Variants in DUSP15 observed in about 807,000 individuals in gnomAD.
DUSP15 encodes dual specificity phosphatase 15, also known as dual specificity protein phosphatase 15.
A neutral mutation model predicts 26.3 loss-of-function variants in DUSP15; 23 were observed. The observed-to-expected ratio is 0.87, with a 90% CI of 0.63 to 1.24. The LOEUF (loss-of-function observed/expected upper bound fraction) is 1.24. Among genes scored for constraint, DUSP15 ranks in the 50% most tolerant of loss-of-function variants. The probability of loss-of-function intolerance (pLI) is 0.00; values close to 1 mark genes in which losing one functional copy is unlikely to be tolerated. For missense variants in DUSP15, 364 were observed against 320.6 expected, an observed-to-expected ratio of 1.14 and a Z score of -1.03; for synonymous variants, 143 against 135.5, an observed-to-expected ratio of 1.06 and a Z score of -0.39.
intron 6 of DUSP15, among the ~76,000 whole-genome samples, chr20:31,855,745 G>A (rs189644519): frequency 6.6e-6 from 1 of 152,340 alleles, no homozygotes; most frequent in African/African-American, 2.4e-5. Flanking sequence ...CACAGTGCTT[G>A]ATGACACCAC....
intron 5 of DUSP15, 45 bp from the exon 6 acceptor site, chr20:31,862,787 T>C: frequency 6.5e-7 from 1 of 1,538,776 alleles, no homozygotes; most frequent in Non-Finnish European, 8.8e-7. Context: ...AGATCCAATG[T>C]CCTCCATGCC....
intron 7 of DUSP15, chr20:31,849,883 CGA>C (rs1186052161): frequency 6.7e-7 from 1 of 1,485,238 alleles, no homozygotes; most frequent in East Asian, 2.5e-5. Flanking sequence ...GGCTGTGGGG[CGA>C]GAGAGGGTGC....
intron 1 of DUSP15, chr20:31,869,958 G>A: frequency 7.4e-7 from 1 of 1,357,136 alleles, no homozygotes; most frequent in Non-Finnish European, 9.5e-7. Context: ...GACAGGCAGA[G>A]GCGGGACAGG....
exon 10 of DUSP15, chr20:31,848,512 G>A (rs1172530105): frequency 6.2e-7 from 1 of 1,608,674 alleles, no homozygotes; most frequent in Non-Finnish European, 8.5e-7. Flanking sequence ...CTGGGCGCTC[G>A]GTTGAGGCAC....
exon 10 of DUSP15, chr20:31,848,209 A>C (rs760236159): frequency 1.3e-5 from 7 of 539,596 alleles, no homozygotes; most frequent in South Asian, 8.4e-5. Context: ...TTTCCTGCCG[A>C]AGCCCCATGC....
At chr20:31,859,925 G>C (rs1183531264), downstream of DUSP15, among the ~76,000 whole-genome samples, 2 of 152,146 alleles carry the variant, frequency 1.3e-5, no homozygotes, top group Non-Finnish European at 2.9e-5. Context: ...CATGATGGTA[G>C]GTAGTTAGGA....
In DUSP15 at chr20:31,850,807, G is replaced by T. The variant is rs539547535; in HGVS notation, c.427-131C>A. 59 of 924,406 alleles carry T rather than the reference G, an allele frequency of 6.4e-5. No homozygotes were observed. The South Asian group carries it at 8.7e-4, about 14-fold the overall frequency. The allele number at this position is 924,406 out of a possible 1,614,324, so 57.3% of individuals were successfully genotyped here. A position where few individuals can be genotyped will look rare whatever the true frequency, so the allele number is the denominator to read the frequency against. On this transcript the variant is annotated intron_variant, in intron 6 of 9. Coordinates refer to the DUSP15 transcript ENST00000278979. ...CTTACTGTGGTCAACCAAAGGGCCT[G>T]GAGGAGGATGGGTGGTAGTAAGGAA...
At chr20:31,848,597 C>T in intron 9 of DUSP15, 1 of 1,533,002 alleles carries the variant, frequency 6.5e-7, no homozygotes, top group Non-Finnish European at 8.8e-7. Flanking sequence ...TGAGCAGACC[C>T]TCTCCATTTC....
At chr20:31,856,044 A>G (rs913181971) in intron 6 of DUSP15, among the ~76,000 whole-genome samples, 3 of 152,198 alleles carry the variant, frequency 2.0e-5, no homozygotes, top group Admixed American at 1.3e-4. Flanking sequence ...CCATCACCCA[A>G]ACAGTATACA....
chr20:31,864,104 C>A, intron 4 of DUSP15, 123 bp from the exon 5 acceptor site: 2 of 1,519,600 alleles, frequency 1.3e-6, no homozygotes, highest in Non-Finnish European at 1.8e-6. Context: ...GGTCAGCCAG[C>A]ACATGCAGTG....
chr20:31,862,857 G>A (rs1481885277), intron 5 of DUSP15, 115 bp from the exon 6 acceptor site: 2 of 1,137,092 alleles, frequency 1.8e-6, no homozygotes, highest in Non-Finnish European at 2.4e-6. Context: ...CCAACCATAA[G>A]GGACCTGTCA....
chr20:31,869,467 C>A, intron 2 of DUSP15, 97 bp downstream of exon 2: 2 of 1,509,302 alleles, frequency 1.3e-6, no homozygotes, highest in South Asian at 1.2e-5. Flanking sequence ...TGCCCCCAAC[C>A]CCATTCCTGA....
At position 31,870,177 on chromosome 20, in the gene DUSP15, G is replaced by A. The variant is rs1404380804; in HGVS notation, c.21+140C>T. On this transcript the variant is annotated intron_variant, in intron 1 of 6. Transcript: ENST00000339738. This position sits in a 1 kb window ranked among gnomAD's most constrained non-coding sequence, Gnocchi z 6.6. The stretch of plus-strand genomic sequence containing the variant: ...GGGGAGACCCGACAGCCGCGGTCTC[G>A]AGTCACAGGGACACGGAGATGCCGC... The A allele has an allele frequency of 8.2e-7, 1 of 1,225,776 alleles. No individual in the cohort carries two copies. Among genetic ancestry groups the A allele is most frequent in the South Asian group, 4.1e-5 (1 of 24,130 alleles). The allele number at this position is 1,225,776 out of a possible 1,614,324, so 75.9% of individuals were successfully genotyped here.
downstream of DUSP15, among the ~76,000 whole-genome samples, chr20:31,857,318 C>CTT (rs796447489): frequency 6.9e-6 from 1 of 145,086 alleles, no homozygotes. Flanking sequence ...CAAATCTGGT[C>CTT]TTTTTTTTTT....
chr20:31,866,929 T>C (rs1449466892), intron 3 of DUSP15, 142 bp downstream of exon 3: 2 of 784,294 alleles, frequency 2.6e-6, no homozygotes, highest in East Asian at 2.8e-5. Flanking sequence ...GGGATGATAA[T>C]GTAAAATGGC....
intron 6 of DUSP15, among the ~76,000 whole-genome samples, chr20:31,862,124 C>T (rs946219683): frequency 6.6e-6 from 1 of 152,160 alleles, no homozygotes; most frequent in African/African-American, 2.4e-5. Flanking sequence ...AGCCCTCCCC[C>T]TCTCATCCTT....
rs540330374 is a variant in DUSP15, at chr20:31,852,799, G to A, written c.427-2123C>T. 3.3e-5 allele frequency among the ~76,000 whole-genome samples: 5 copies of A among 152,252 alleles called. No individual in the cohort carries two copies. In the East Asian group the frequency reaches 7.7e-4, roughly 23 times the overall value. On this transcript the variant is annotated intron_variant, in intron 6 of 9. Transcript: ENST00000278979. ...GCACTCCAGCCTGGGTGACAAGAGC[G>A]AAACTCCGTCTCAAAAGAAAAAAAA...
At position 31,861,784 on chromosome 20, in the gene DUSP15, C is replaced by T. The variant is rs2062665832; in HGVS notation, c.436-109G>A. ...CCTTCGCCCTTCTCCGAGCGTCCCA[C>T]ACCTCGCTGAGCCCCTCCCTTCCTG... is the stretch of plus-strand genomic sequence containing the variant. On this transcript the variant is annotated intron_variant, in intron 6 of 6. Transcript: ENST00000339738. 14 of 902,342 alleles carry T rather than the reference C, an allele frequency of 1.6e-5. No homozygotes were observed. In the South Asian group the frequency reaches 3.1e-4, roughly 20 times the overall value. The allele number at this position is 902,342 out of a possible 1,614,324, so 55.9% of individuals were successfully genotyped here.
At chr20:31,864,133 G>C in intron 4 of DUSP15, 152 bp from the exon 5 acceptor site, 1 of 1,448,156 alleles carries the variant, frequency 6.9e-7, no homozygotes, top group African/African-American at 1.4e-5. Context: ...CCAGTACTTA[G>C]TATGAGCTGG....
Sources: gnomAD v4.1 joint callset for allele counts (sites outside exome capture counted in the v4.1 genomes callset) on GRCh38, gnomAD v4.1.1 for gene constraint, Gnocchi (gnomAD v3.1) non-coding constraint, MANE v1.5 for transcripts, NCBI Gene and HGNC (gene_info 2026-07-23, HGNC 2026-07-21) for gene names.